EBF3: variants seen among roughly 807,000 people sequenced by gnomAD.
EBF3 encodes the protein transcription factor COE3.
A neutral mutation model predicts 77.1 loss-of-function variants in EBF3; 18 were observed. The observed-to-expected ratio is 0.23, with a 90% CI of 0.16 to 0.35. The LOEUF (loss-of-function observed/expected upper bound fraction) is 0.35. Ranked by LOEUF, EBF3 falls within the 10% of genes least tolerant of loss-of-function variation. The pLI is 1.00. For synonymous variants in EBF3, 350 were observed against 343.5 expected (o/e 1.02, Z -0.21); for missense variants, 558 against 860.0 (o/e 0.65, Z 4.39).
At chr10:129,933,173 T>A (rs60064330) in intron 6 of EBF3, among the ~76,000 whole-genome samples, 6,334 of 152,278 alleles carry the variant, frequency 0.042, 410 homozygotes, top group African/African-American at 0.14. Flanking sequence ...TCTGCCTCTC[T>A]GCAGCCACTT....
intron 6 of EBF3, among the ~76,000 whole-genome samples, chr10:129,951,156 T>C (rs1218634619): frequency 1.3e-5 from 2 of 152,238 alleles, no homozygotes; most frequent in Non-Finnish European, 2.9e-5. Context: ...TCCTGCTTTC[T>C]TCGGCATCAC....
chr10:129,867,973 G>A (rs560857183), intron 8 of EBF3, 61 bp from the exon 9 acceptor site: 31 of 1,586,016 alleles, frequency 2.0e-5, no homozygotes, highest in East Asian at 1.8e-4. Flanking sequence ...ACGCTGGGCC[G>A]CTCGGCCACC....
intron 6 of EBF3, among the ~76,000 whole-genome samples, chr10:129,954,714 C>T (rs1465950634): frequency 6.6e-6 from 1 of 152,164 alleles, no homozygotes; most frequent in Non-Finnish European, 1.5e-5. Flanking sequence ...TGGTCAGAAC[C>T]TGCTAAATGT....
At chr10:129,886,843 G>T (rs537826739) in intron 6 of EBF3, among the ~76,000 whole-genome samples, 40 of 152,150 alleles carry the variant, frequency 2.6e-4, no homozygotes, top group African/African-American at 9.2e-4. Flanking sequence ...TCCAATGTCT[G>T]TCCTTCTAAC....
At chr10:129,928,594 T>C (rs1856819907) in intron 6 of EBF3, among the ~76,000 whole-genome samples, 1 of 152,216 alleles carries the variant, frequency 6.6e-6, no homozygotes, top group African/African-American at 2.4e-5. Flanking sequence ...TCTGCATTTC[T>C]AGGTGCTTAG....
intron 6 of EBF3, among the ~76,000 whole-genome samples, chr10:129,956,412 T>C (rs1030772494): frequency 6.6e-6 from 1 of 152,230 alleles, no homozygotes; most frequent in African/African-American, 2.4e-5. Flanking sequence ...GCTGGGCCTT[T>C]TGCTGCTACC....
intron 6 of EBF3, among the ~76,000 whole-genome samples, chr10:129,941,575 G>C (rs554311755): frequency 3.9e-5 from 6 of 152,076 alleles, no homozygotes; most frequent in Admixed American, 1.3e-4. Flanking sequence ...AAAGGGTCAG[G>C]GGGGAGCCCT....
chr10:129,866,690 G>A (rs796243009), intron 10 of EBF3, among the ~76,000 whole-genome samples: 29 of 152,246 alleles, frequency 1.9e-4, no homozygotes, highest in East Asian at 5.8e-4. Context: ...GGTGTGGCCC[G>A]GGCACTGACT....
chr10:129,908,285 C>T (rs771687198), intron 6 of EBF3, among the ~76,000 whole-genome samples: 2 of 152,152 alleles, frequency 1.3e-5, no homozygotes. Context: ...ATTGAAGTAA[C>T]GTGGAAACAA....
chr10:129,960,944 C>G (rs971283490), intron 4 of EBF3, among the ~76,000 whole-genome samples: 2 of 152,204 alleles, frequency 1.3e-5, no homozygotes, highest in Non-Finnish European at 1.5e-5. Flanking sequence ...GAAGGGCACA[C>G]CGCCTCTGTC....
Position 129,858,080 on chromosome 10 carries a change from G to A in EBF3, c.1039+9061C>T, listed in dbSNP as rs115946379. ...CCTGGTGAACACGGGGCTCGGGCACGTGGCAGGTGTTCACTATCATGGTGC... is the reference window on the plus strand; with the variant it reads ...CCTGGTGAACACGGGGCTCGGGCACATGGCAGGTGTTCACTATCATGGTGC... On this transcript the variant is annotated intron_variant, in intron 10 of 16. Coordinates refer to ENST00000440978, the MANE Select transcript of EBF3 (RefSeq NM_001375380.1). Among the ~76,000 whole-genome samples the A allele has an allele frequency of 6.4e-3, 973 of 152,334 alleles. 7 individuals are homozygous for A. The highest frequency in any genetic ancestry group is 0.023 in the African/African-American group (944 of 41,574).
Position 129,873,447 on chromosome 10 carries a change from C to T in EBF3, c.781+5G>A. On this transcript the variant is annotated splice_donor_5th_base_variant and intron_variant, in intron 8 of 16. Coordinates refer to ENST00000440978, the MANE Select transcript of EBF3 (RefSeq NM_001375380.1). ...AATAAAAAAAGACATGTAACATGTG[C>T]CTACCATTTTCCAGATAAGAAGGGG... The T allele has an allele frequency of 6.6e-7, 1 of 1,522,478 alleles. No homozygotes were observed. Among genetic ancestry groups the T allele is most frequent in the Non-Finnish European group, 8.8e-7 (1 of 1,132,894 alleles). 94.3% of individuals were successfully genotyped at this position (1,522,478 alleles called of 1,614,324 possible). A position where few individuals can be genotyped will look rare whatever the true frequency, so the allele number is the denominator to read the frequency against.
At chr10:129,891,614 T>G (rs111384819) in intron 6 of EBF3, among the ~76,000 whole-genome samples, 1 of 152,248 alleles carries the variant, frequency 6.6e-6, no homozygotes, top group African/African-American at 2.4e-5. Context: ...TATCTGCAAT[T>G]AGCTCTGAGT....
At chr10:129,923,004 G>A (rs890409120) in intron 6 of EBF3, among the ~76,000 whole-genome samples, 2 of 152,198 alleles carry the variant, frequency 1.3e-5, no homozygotes, top group East Asian at 3.8e-4. Flanking sequence ...GCCCCTCTCC[G>A]GGTCTCGGCT....
intron 6 of EBF3, among the ~76,000 whole-genome samples, chr10:129,933,957 G>A (rs148322023): frequency 1.9e-3 from 294 of 152,256 alleles, no homozygotes; most frequent in Non-Finnish European, 2.6e-3. Context: ...GAACCATCCG[G>A]GACACAGACC....
Position 129,864,801 on chromosome 10 carries a change from A to G in EBF3, c.1039+2340T>C, listed in dbSNP as rs1851879929. ...GCTCAGGTGCTGCTCCATGGCTCACAAGCAATAATCAACACCCGCTTTCCT... is the reference window on the plus strand; with the variant it reads ...GCTCAGGTGCTGCTCCATGGCTCACGAGCAATAATCAACACCCGCTTTCCT... On this transcript the variant is annotated intron_variant, in intron 10 of 16. Transcript: ENST00000440978. This position sits in a 1 kb window ranked among gnomAD's most constrained non-coding sequence, Gnocchi z 4.4. Among the ~76,000 whole-genome samples the G allele has an allele frequency of 6.6e-6, 1 of 152,146 alleles. No homozygotes were observed.
At position 129,861,274 on chromosome 10, in the gene EBF3, C is replaced by T. The variant is rs1851614715; in HGVS notation, c.1039+5867G>A. Among the ~76,000 whole-genome samples the T allele has an allele frequency of 6.6e-6, 1 of 152,094 alleles. No homozygotes were observed. Among genetic ancestry groups the T allele is most frequent in the Non-Finnish European group, 1.5e-5 (1 of 68,010 alleles). On this transcript the variant is annotated intron_variant, in intron 10 of 16. Coordinates refer to ENST00000440978, the MANE Select transcript of EBF3 (RefSeq NM_001375380.1). The surrounding 1 kb of genome is among the most constrained non-coding windows in gnomAD (Gnocchi z 4.3). ...AATGACCCCAGTGATGGCAGTGGGC[C>T]TCACTCCCAGGGGAAGGGGCTGAGG...
At chr10:129,924,447 A>G (rs890162660) in intron 6 of EBF3, among the ~76,000 whole-genome samples, 1 of 127,070 alleles carries the variant, frequency 7.9e-6, no homozygotes, top group Non-Finnish European at 1.7e-5. Context: ...AAAAAAAAAC[A>G]AAAAACAAAA....
intron 6 of EBF3, among the ~76,000 whole-genome samples, chr10:129,911,695 G>C (rs1855535987): frequency 6.6e-6 from 1 of 152,238 alleles, no homozygotes; most frequent in East Asian, 1.9e-4. Context: ...ATTCAGAACC[G>C]TGTATGCCAA....
Sources: allele counts gnomAD v4.1 joint callset (sites outside exome capture counted in the v4.1 genomes callset), GRCh38; gene constraint gnomAD v4.1.1; non-coding constraint Gnocchi (gnomAD v3.1); transcripts MANE v1.5; gene names NCBI Gene and HGNC (gene_info 2026-07-23, HGNC 2026-07-21).